RSU1: variants seen among roughly 807,000 people sequenced by gnomAD.
RSU1 encodes the protein Ras suppressor protein 1.
A neutral mutation model predicts 31.1 loss-of-function variants in RSU1; 26 were observed. The observed-to-expected ratio is 0.84, with a 90% CI of 0.61 to 1.16. The LOEUF is 1.16. Among genes scored for constraint, RSU1 ranks in the 50% most tolerant of loss-of-function variants. The pLI is 0.00. For missense variants in RSU1, 320 were observed against 339.1 expected (o/e 0.94, Z 0.44); for synonymous variants, 164 against 136.3 (o/e 1.20, Z -1.41).
intron 8 of RSU1, among the ~76,000 whole-genome samples, chr10:16,594,634 AATATGATAT>A (rs1202375289): frequency 6.8e-5 from 10 of 146,764 alleles, no homozygotes; most frequent in East Asian, 2.0e-4. Context: ...TATGATAGAT[AATATGATAT>A]ATATGATATA....
intron 8 of RSU1, among the ~76,000 whole-genome samples, chr10:16,688,783 T>C (rs936796430): frequency 1.3e-5 from 2 of 151,586 alleles, no homozygotes; most frequent in Non-Finnish European, 2.9e-5. Flanking sequence ...GGAAAATCTC[T>C]TGAGGCCAGG....
chr10:16,659,640 G>C (rs910092133), intron 8 of RSU1, among the ~76,000 whole-genome samples: 2 of 152,066 alleles, frequency 1.3e-5, no homozygotes, highest in African/African-American at 2.4e-5. Context: ...GGCTGTCTTC[G>C]TTATTATAGC....
At chr10:16,720,725 C>G (rs1836239778) in intron 7 of RSU1, among the ~76,000 whole-genome samples, 1 of 152,244 alleles carries the variant, frequency 6.6e-6, no homozygotes, top group Admixed American at 6.5e-5. Flanking sequence ...CCCCATCCAG[C>G]TATCACATGG....
At chr10:16,791,606 C>T (rs1441891678) in intron 2 of RSU1, among the ~76,000 whole-genome samples, 5 of 142,550 alleles carry the variant, frequency 3.5e-5, no homozygotes, top group Non-Finnish European at 4.5e-5. Flanking sequence ...CCAGCCTGGG[C>T]GACAGAGCGA....
chr10:16,703,209 C>T (rs537016183), intron 7 of RSU1, among the ~76,000 whole-genome samples: 3 of 152,244 alleles, frequency 2.0e-5, no homozygotes, highest in Admixed American at 2.0e-4. Flanking sequence ...AACTCTGAGC[C>T]AATTAAACCT....
intron 8 of RSU1, among the ~76,000 whole-genome samples, chr10:16,597,099 G>C (rs1833628277): frequency 6.6e-6 from 1 of 152,216 alleles, no homozygotes. Flanking sequence ...CCGAGTGTAA[G>C]GAAAGAGTCT....
intron 8 of RSU1, among the ~76,000 whole-genome samples, chr10:16,631,167 T>C (rs993994984): frequency 1.3e-5 from 2 of 152,180 alleles, no homozygotes; most frequent in East Asian, 1.9e-4. Flanking sequence ...AATAATTAAT[T>C]TGGCCATCAC....
chr10:16,715,816 G>A (rs867433119), intron 7 of RSU1, among the ~76,000 whole-genome samples: 2 of 152,224 alleles, frequency 1.3e-5, no homozygotes, highest in East Asian at 3.9e-4. Context: ...ACTTTAGGGT[G>A]GGATTTTCTA....
At position 16,764,467 on chromosome 10, in the gene RSU1, G is replaced by A; in HGVS notation, c.204C>T (p.Leu68=). ...NIAELKNLEV[L]NFFNNQIEEL... Reference sequence around the variant, plus strand: ...CCTCGATTTGGTTATTAAAAAAGTTGAGCACCTCCAAATTCTTCAGTTCTG... The same window carrying A: ...CCTCGATTTGGTTATTAAAAAAGTTAAGCACCTCCAAATTCTTCAGTTCTG... Residue 68 remains leucine (L), a synonymous_variant, in exon 4 of 9, where the codon CTC becomes CTT. Transcript: ENST00000345264. 3 of 1,613,942 alleles carry A rather than the reference G, an allele frequency of 1.9e-6. No individual in the cohort carries two copies. The highest frequency in any genetic ancestry group is 2.2e-5 in the South Asian group (2 of 91,056).
chr10:16,794,326 T>C (rs1411872868), intron 2 of RSU1, among the ~76,000 whole-genome samples: 2 of 152,192 alleles, frequency 1.3e-5, no homozygotes, highest in African/African-American at 4.8e-5. Flanking sequence ...ACCATAAAAG[T>C]ACTAAGGTGC....
At chr10:16,705,497 T>C (rs1435818060) in intron 7 of RSU1, among the ~76,000 whole-genome samples, 1 of 152,178 alleles carries the variant, frequency 6.6e-6, no homozygotes, top group Non-Finnish European at 1.5e-5. Context: ...ATGCATTTTA[T>C]TTATTTTTTT....
At chr10:16,690,427 G>C (rs1353979458) in intron 8 of RSU1, among the ~76,000 whole-genome samples, 1 of 152,082 alleles carries the variant, frequency 6.6e-6, no homozygotes, top group African/African-American at 2.4e-5. Context: ...TTCCACCTGA[G>C]ACATGATGAA....
intron 7 of RSU1, among the ~76,000 whole-genome samples, chr10:16,717,240 T>C (rs988769821): frequency 6.6e-6 from 1 of 152,180 alleles, no homozygotes; most frequent in Non-Finnish European, 1.5e-5. Flanking sequence ...TTACATTCTC[T>C]ACAGAGGCTG....
intron 7 of RSU1, among the ~76,000 whole-genome samples, chr10:16,746,047 T>C (rs1253125730): frequency 1.3e-5 from 2 of 152,224 alleles, no homozygotes; most frequent in Admixed American, 6.5e-5. Flanking sequence ...TTAAGAGATA[T>C]AACAAGAGAT....
At chr10:16,746,439 C>T (rs1205532491) in intron 7 of RSU1, among the ~76,000 whole-genome samples, 4 of 151,956 alleles carry the variant, frequency 2.6e-5, no homozygotes, top group East Asian at 3.9e-4. Flanking sequence ...GTAACAAATG[C>T]GGGACAAGAG....
At position 16,733,813 on chromosome 10, in the gene RSU1, GAACACAGC is replaced by G. The variant is rs568647234; in HGVS notation, c.598+18718_598+18725del. On this transcript the variant is annotated intron_variant, in intron 7 of 8. Transcript: ENST00000345264. ...CTGAATCTTTTGGTCACTGTCCTAG[GAACACAGC>G]AAGTTGAGAAATAACAGTCTCCAAG... Among the ~76,000 whole-genome samples the G allele has an allele frequency of 2.2e-3, 332 of 152,290 alleles. 2 individuals are homozygous for G. Among genetic ancestry groups the G allele is most frequent in the African/African-American group, 7.2e-3 (301 of 41,564 alleles).
chr10:16,744,383 G>C (rs1174080048), intron 7 of RSU1, among the ~76,000 whole-genome samples: 1 of 152,138 alleles, frequency 6.6e-6, no homozygotes, highest in Non-Finnish European at 1.5e-5. Flanking sequence ...TTGTTATCAT[G>C]AATTCTGGGA....
At chr10:16,743,695 C>T (rs1466873914) in intron 7 of RSU1, among the ~76,000 whole-genome samples, 1 of 152,130 alleles carries the variant, frequency 6.6e-6, no homozygotes, top group African/African-American at 2.4e-5. Flanking sequence ...CTGTTAACAA[C>T]ATAAAGCTGC....
intron 8 of RSU1, among the ~76,000 whole-genome samples, chr10:16,602,600 T>G (rs1361249564): frequency 6.6e-6 from 1 of 152,238 alleles, no homozygotes; most frequent in Non-Finnish European, 1.5e-5. Context: ...AAACACATTG[T>G]GTGCTATGTA....
Sources: allele counts gnomAD v4.1 joint callset (sites outside exome capture counted in the v4.1 genomes callset), GRCh38; gene constraint gnomAD v4.1.1; transcripts MANE v1.5; gene names NCBI Gene and HGNC (gene_info 2026-07-23, HGNC 2026-07-21).